The following METTL25 variants were observed in gnomAD, a reference collection of about 807,000 sequenced individuals.
METTL25 encodes the protein methyltransferase like 25, also known as probable methyltransferase-like protein 25.
In METTL25, 64 loss-of-function variants were observed where a neutral mutation model predicts 71.6. That is an observed-to-expected ratio of 0.89 (90% CI 0.73 to 1.10). METTL25 has a LOEUF of 1.10. Ranked by LOEUF, METTL25 falls within the 50% of genes least tolerant of loss-of-function variation. The probability of loss-of-function intolerance (pLI) is 0.00; values close to 1 mark genes in which losing one functional copy is unlikely to be tolerated. For missense variants in METTL25, 807 were observed against 707.0 expected (o/e 1.14, Z -1.60); for synonymous variants, 287 against 250.3 (o/e 1.15, Z -1.38).
chr12:82,451,050 C>T (rs971963224), intron 8 of METTL25, among the ~76,000 whole-genome samples: 6 of 152,024 alleles, frequency 3.9e-5, no homozygotes, highest in African/African-American at 1.4e-4. Flanking sequence ...TGTTTCCTTT[C>T]GTTCACCAAG....
intron 8 of METTL25, 158 bp downstream of exon 8, chr12:82,438,949 G>T (rs984751300): frequency 6.3e-6 from 3 of 479,186 alleles, no homozygotes; most frequent in Non-Finnish European, 9.9e-6. Flanking sequence ...CTGTATCTTA[G>T]GTTAATTATC....
intron 4 of METTL25, among the ~76,000 whole-genome samples, chr12:82,402,598 A>C (rs1394782020): frequency 6.6e-6 from 1 of 152,182 alleles, no homozygotes; most frequent in Admixed American, 6.5e-5. Context: ...AAATAAAAAC[A>C]TAGAATACTT....
chr12:82,428,799 A>AT (rs1889247755), intron 5 of METTL25, among the ~76,000 whole-genome samples: 2 of 151,972 alleles, frequency 1.3e-5, no homozygotes, highest in Non-Finnish European at 1.5e-5. Context: ...GAACATGAGA[A>AT]TAATAGTATA....
chr12:82,461,023 GTCCCA>G (rs1314442390), intron 9 of METTL25, among the ~76,000 whole-genome samples: 1 of 148,014 alleles, frequency 6.8e-6, no homozygotes, highest in Non-Finnish European at 1.5e-5. Flanking sequence ...GGCGCCTGTG[GTCCCA>G]GCTACTCAGG....
chr12:82,395,929 G>A (rs1886034157), intron 3 of METTL25, among the ~76,000 whole-genome samples: 1 of 152,068 alleles, frequency 6.6e-6, no homozygotes, highest in Non-Finnish European at 1.5e-5. Flanking sequence ...TATGGTATCT[G>A]CAGTTAGACT....
chr12:82,389,145 G>A (rs1885339324), intron 2 of METTL25, among the ~76,000 whole-genome samples: 1 of 152,020 alleles, frequency 6.6e-6, no homozygotes, highest in South Asian at 2.1e-4. Flanking sequence ...ACTTTATAAT[G>A]TGTAGCATAC....
chr12:82,389,714 G>A (rs1885390707), intron 2 of METTL25, 102 bp from the exon 3 acceptor site: 2 of 665,544 alleles, frequency 3.0e-6, no homozygotes, highest in Middle Eastern at 4.4e-4. Context: ...TAGAATCTCT[G>A]TATTATTTTC....
At chr12:82,401,708 C>G (rs1396983837) in intron 4 of METTL25, among the ~76,000 whole-genome samples, 3 of 151,720 alleles carry the variant, frequency 2.0e-5, no homozygotes, top group Non-Finnish European at 4.4e-5. Flanking sequence ...TTATAAAGTA[C>G]CAACTAAAAT....
At chr12:82,409,399 TTTACA>T (rs1005646994) in intron 5 of METTL25, among the ~76,000 whole-genome samples, 52 of 152,256 alleles carry the variant, frequency 3.4e-4, no homozygotes, top group Middle Eastern at 3.4e-3. Flanking sequence ...ATTTGAAGTG[TTTACA>T]TTATTTCTTC....
chr12:82,456,387 G>T (rs567728650), intron 8 of METTL25, among the ~76,000 whole-genome samples: 1 of 152,038 alleles, frequency 6.6e-6, no homozygotes, highest in East Asian at 1.9e-4. Context: ...GATGTGCATT[G>T]TAATATTGAG....
chr12:82,419,486 TA>T (rs1054193544), intron 5 of METTL25, among the ~76,000 whole-genome samples: 4 of 152,098 alleles, frequency 2.6e-5, no homozygotes, highest in Non-Finnish European at 5.9e-5. Flanking sequence ...ATCTTGTCCA[TA>T]AGGGGCTGCT....
At chr12:82,471,994 C>T (rs1337815621) in intron 9 of METTL25, among the ~76,000 whole-genome samples, 1 of 152,112 alleles carries the variant, frequency 6.6e-6, no homozygotes, top group Non-Finnish European at 1.5e-5. Context: ...TGAATTTTTC[C>T]TATAAATATA....
At chr12:82,380,498 T>G (rs977168344) in intron 1 of METTL25, among the ~76,000 whole-genome samples, 1 of 152,188 alleles carries the variant, frequency 6.6e-6, no homozygotes, top group African/African-American at 2.4e-5. Flanking sequence ...CATGTATATG[T>G]GTATATATGT....
chr12:82,394,913 A>G (rs753195091), intron 3 of METTL25, among the ~76,000 whole-genome samples: 4 of 151,870 alleles, frequency 2.6e-5, no homozygotes, highest in African/African-American at 9.7e-5. Context: ...CAACAAGTTC[A>G]GTGGCCCTGA....
chr12:82,468,719 GCCTTCTTAAC>G (rs1404093881), intron 9 of METTL25: 1 of 152,246 alleles, frequency 6.6e-6, no homozygotes, highest in Non-Finnish European at 1.5e-5. Context: ...GAAAGGGAAT[GCCTTCTTAAC>G]TATAGAAAAT....
At chr12:82,370,835 C>A (rs1324374608) in intron 1 of METTL25, among the ~76,000 whole-genome samples, 1 of 152,070 alleles carries the variant, frequency 6.6e-6, no homozygotes, top group African/African-American at 2.4e-5. Context: ...GCTGGCCTTT[C>A]CCTGCCTCTG....
At chr12:82,403,947 T>C (rs1886860571) in intron 5 of METTL25, among the ~76,000 whole-genome samples, 1 of 152,186 alleles carries the variant, frequency 6.6e-6, no homozygotes, top group African/African-American at 2.4e-5. Context: ...AACTTTTGTG[T>C]GCATTAAGAT....
intron 5 of METTL25, among the ~76,000 whole-genome samples, chr12:82,430,044 C>T (rs536156920): frequency 6.6e-6 from 1 of 150,940 alleles, no homozygotes; most frequent in African/African-American, 2.4e-5. Context: ...TCTTACAAAG[C>T]ACCTTTTTGT....
At chr12:82,391,260 G>A (rs992094376) in intron 3 of METTL25, among the ~76,000 whole-genome samples, 1 of 151,998 alleles carries the variant, frequency 6.6e-6, no homozygotes, top group African/African-American at 2.4e-5. Context: ...CATTTAGTTT[G>A]GGAATACAAA....
Sources: allele counts gnomAD v4.1 joint callset (sites outside exome capture counted in the v4.1 genomes callset), GRCh38; gene constraint gnomAD v4.1.1; transcripts MANE v1.5; gene names NCBI Gene and HGNC (gene_info 2026-07-23, HGNC 2026-07-21).